MOK: variants seen among roughly 807,000 people sequenced by gnomAD.
MOK encodes the protein MOK protein kinase, also known as MAPK/MAK/MRK overlapping kinase.
A neutral mutation model predicts 54.2 loss-of-function variants in MOK; 59 were observed. That is an observed-to-expected ratio of 1.09 (90% confidence interval 0.88 to 1.35). The LOEUF (loss-of-function observed/expected upper bound fraction) is 1.35. Ranked by LOEUF, MOK falls within the 40% of genes most tolerant of loss-of-function variation. MOK has a pLI of 0.00. For missense variants in MOK, 517 were observed against 526.2 expected, an observed-to-expected ratio of 0.98 and a Z score of 0.17; for synonymous variants, 210 against 202.7, an observed-to-expected ratio of 1.04 and a Z score of -0.31.
downstream of MOK, chr14:102,225,758 C>T (rs1004291860): frequency 1.9e-5 from 3 of 158,904 alleles, no homozygotes; most frequent in Non-Finnish European, 2.8e-5. Flanking sequence ...ATCTAACTGC[C>T]TCGTAACTGT....
At chr14:102,233,601 T>G (rs915282945) in intron 8 of MOK, 87 bp downstream of exon 8, 3 of 1,184,942 alleles carry the variant, frequency 2.5e-6, no homozygotes, top group South Asian at 1.3e-5. Context: ...TGAGAGGGGT[T>G]TGAGGGAGGC....
intron 4 of MOK, among the ~76,000 whole-genome samples, chr14:102,259,784 G>T (rs939791819): frequency 6.6e-6 from 1 of 152,140 alleles, no homozygotes; most frequent in African/African-American, 2.4e-5. Context: ...AGTGGCTCAC[G>T]CTTGTAATCC....
chr14:102,239,365 T>C (rs942833351), intron 7 of MOK, among the ~76,000 whole-genome samples: 1 of 126,030 alleles, frequency 7.9e-6, no homozygotes, highest in Non-Finnish European at 2.0e-5. Flanking sequence ...AATTAATGTA[T>C]GGATGCCCTT....
At chr14:102,263,687 T>A in intron 3 of MOK, 71 bp from the exon 4 acceptor site, 1 of 1,064,624 alleles carries the variant, frequency 9.4e-7, no homozygotes, top group Non-Finnish European at 1.4e-6. Context: ...AATATTTAAT[T>A]CATTTGTAAA....
chr14:102,251,393 A>G (rs1043364274), intron 6 of MOK: 1 of 392,482 alleles, frequency 2.5e-6, no homozygotes, highest in Non-Finnish European at 4.8e-6. Context: ...GGAAACAGCA[A>G]ATTGTACGGT....
At chr14:102,217,045 C>G in the MOK span, among the ~76,000 whole-genome samples, 1 of 152,194 alleles carries the variant, frequency 6.6e-6, no homozygotes, top group South Asian at 2.1e-4. Flanking sequence ...CAGCTCCCTA[C>G]CACCCCTTCC....
downstream of MOK, chr14:102,225,957 G>A (rs781174829): frequency 2.2e-5 from 6 of 272,548 alleles, no homozygotes; most frequent in Admixed American, 4.9e-5. Flanking sequence ...GAGAATGCAC[G>A]GGGATTAGGC....
rs1025183194 is a variant in MOK, at chr14:102,279,905, G to T, written c.122+3573C>A. Among the ~76,000 whole-genome samples, 3 of 151,962 alleles carry T rather than the reference G, an allele frequency of 2.0e-5. 1 individual carries two copies. The highest frequency in any genetic ancestry group is 4.4e-5 in the Non-Finnish European group (3 of 68,018). On this transcript the variant is annotated intron_variant, in intron 2 of 11. Transcript: ENST00000361847. ...TCTATTTGAATTAAAGCATAGGAAA[G>T]GAGCAGAAGTAATACTGGAGGGGGT...
At chr14:102,301,939 A>G (rs2072250195) in intron 1 of MOK, among the ~76,000 whole-genome samples, 1 of 151,738 alleles carries the variant, frequency 6.6e-6, no homozygotes, top group African/African-American at 2.4e-5. Flanking sequence ...TTTGGTTGAG[A>G]TGGGGTTTCA....
chr14:102,237,647 C>T (rs2065343041), intron 7 of MOK, among the ~76,000 whole-genome samples: 1 of 152,200 alleles, frequency 6.6e-6, no homozygotes, highest in South Asian at 2.1e-4. Flanking sequence ...CCAGCTCTGT[C>T]CTTACCTGGT....
chr14:102,253,734 A>G (rs1032319202), intron 4 of MOK, among the ~76,000 whole-genome samples: 2 of 152,202 alleles, frequency 1.3e-5, no homozygotes, highest in African/African-American at 4.8e-5. Flanking sequence ...AGAAGATGTC[A>G]ATTTTACTTG....
At chr14:102,261,252 T>TAAAAAAAA (rs1393414039) in intron 4 of MOK, among the ~76,000 whole-genome samples, 1 of 71,406 alleles carries the variant, frequency 1.4e-5, no homozygotes, top group Admixed American at 1.2e-4. Context: ...AGACTCTGCC[T>TAAAAAAAA]ACAAAAAAAA....
chr14:102,262,554 A>G (rs994153770), intron 4 of MOK, among the ~76,000 whole-genome samples: 4 of 152,258 alleles, frequency 2.6e-5, no homozygotes, highest in Admixed American at 2.0e-4. Context: ...TAAGTCACAT[A>G]TAAAATAAAT....
intron 7 of MOK, among the ~76,000 whole-genome samples, chr14:102,242,203 C>T (rs533346421): frequency 2.4e-4 from 36 of 152,290 alleles, no homozygotes; most frequent in Admixed American, 4.6e-4. Flanking sequence ...TTAATCAATA[C>T]GGAGCTTACC....
intron 4 of MOK, chr14:102,260,483 T>C (rs1315724015): frequency 6.6e-6 from 1 of 152,228 alleles, no homozygotes; most frequent in African/African-American, 2.4e-5. Flanking sequence ...ATTATCATTA[T>C]ATTTCATCAA....
At chr14:102,265,770 A>C in intron 3 of MOK, 53 bp downstream of exon 3, 1 of 1,436,826 alleles carries the variant, frequency 7.0e-7, no homozygotes, top group Non-Finnish European at 9.8e-7. Flanking sequence ...TTTCTTAAAA[A>C]GAGATTATTT....
At position 102,229,384 on chromosome 14, in the gene MOK, C is replaced by G. The variant is rs373505281; in HGVS notation, c.1183-18G>C. 7.1e-5 allele frequency: 114 copies of G among 1,603,680 alleles called. No homozygotes were observed. In the African/African-American group the frequency reaches 1.5e-3, roughly 21 times the overall value. On this transcript the variant is annotated intron_variant, in intron 11 of 11. Coordinates refer to ENST00000361847, the MANE Select transcript of MOK (RefSeq NM_014226.3). Reference sequence around the variant, plus strand: ...GGATCTGTCTGTCAAAGAAAAATTACAGACACAAAATTCAGTGGCGGCCTG... The same window carrying G: ...GGATCTGTCTGTCAAAGAAAAATTAGAGACACAAAATTCAGTGGCGGCCTG...
intron 1 of MOK, among the ~76,000 whole-genome samples, chr14:102,298,703 A>G (rs1266169548): frequency 2.6e-5 from 4 of 152,232 alleles, no homozygotes; most frequent in Non-Finnish European, 4.4e-5. Flanking sequence ...CCAAGCCAGC[A>G]GTGGCAACAT....
At chr14:102,216,128 G>A in the MOK span, among the ~76,000 whole-genome samples, 9 of 152,302 alleles carry the variant, frequency 5.9e-5, no homozygotes, top group East Asian at 1.5e-3. Flanking sequence ...AGCTTCCCAC[G>A]GTGCTGTCTC....
Sources: allele counts gnomAD v4.1 joint callset (sites outside exome capture counted in the v4.1 genomes callset), GRCh38; gene constraint gnomAD v4.1.1; transcripts MANE v1.5; gene names NCBI Gene and HGNC (gene_info 2026-07-23, HGNC 2026-07-21).